The following STK24 variants were observed in gnomAD, a reference collection of about 807,000 sequenced individuals.
STK24 encodes serine/threonine kinase 24, also known as serine/threonine-protein kinase 24.
In STK24, 21 loss-of-function variants were observed where a neutral mutation model predicts 55.6. The ratio of observed to expected loss-of-function variants is 0.38; its 90% CI spans 0.27 to 0.54. The LOEUF (loss-of-function observed/expected upper bound fraction) is 0.54. STK24 is among the 20% of genes least tolerant of loss of function. The probability of loss-of-function intolerance (pLI) is 0.79; values close to 1 mark genes in which losing one functional copy is unlikely to be tolerated. For missense variants in STK24, 383 were observed against 538.4 expected (o/e 0.71, Z 2.86); for synonymous variants, 200 against 215.2 (o/e 0.93, Z 0.62).
intron 6 of STK24, among the ~76,000 whole-genome samples, 200 bp downstream of exon 6, chr13:98,466,176 A>C (rs894030640): frequency 8.5e-5 from 13 of 152,366 alleles, no homozygotes; most frequent in African/African-American, 3.1e-4. Context: ...AATCTAAAAG[A>C]AAATAAGGAG....
intron 2 of STK24, among the ~76,000 whole-genome samples, chr13:98,489,913 G>C (rs1168717934): frequency 6.6e-6 from 1 of 152,220 alleles, no homozygotes; most frequent in African/African-American, 2.4e-5. Flanking sequence ...AGGAAAGTAA[G>C]AGCGAGGAGA....
intron 2 of STK24, among the ~76,000 whole-genome samples, chr13:98,498,120 G>A (rs1054979287): frequency 2.0e-5 from 3 of 152,230 alleles, no homozygotes; most frequent in African/African-American, 7.2e-5. Flanking sequence ...CCAGTTAGCT[G>A]AGCACTGATG....
At position 98,446,638 on chromosome 13, in the gene STK24, G is replaced by A. The variant is rs1325083147; in HGVS notation, c.*6535C>T. ...CAGCAGCAGAAGCTGACCCCGAAAAGCCACTTTGCTTTGTTTCCCCTTTCC... is the reference window on the plus strand; with the variant it reads ...CAGCAGCAGAAGCTGACCCCGAAAAACCACTTTGCTTTGTTTCCCCTTTCC... On this transcript the variant is annotated 3_prime_UTR_variant, in exon 11 of 11. Transcript: ENST00000539966. 4 of 1,611,752 alleles carry A rather than the reference G, an allele frequency of 2.5e-6. No homozygotes were observed. In the Admixed American group the frequency reaches 6.7e-5, roughly 27 times the overall value.
chr13:98,543,944 C>T (rs1896965700), intron 1 of STK24, among the ~76,000 whole-genome samples: 1 of 152,188 alleles, frequency 6.6e-6, no homozygotes, highest in African/African-American at 2.4e-5. Context: ...AAGAACAGCA[C>T]ACAATGTAAA....
intron 2 of STK24, among the ~76,000 whole-genome samples, chr13:98,512,593 A>T (rs960047628): frequency 1.3e-5 from 2 of 150,916 alleles, no homozygotes; most frequent in Non-Finnish European, 3.0e-5. Context: ...TTTTTTTAAA[A>T]AGGGAAAGCA....
In STK24 at chr13:98,519,423, C is replaced by T; in HGVS notation, c.93G>A (p.Gly31=). 1.9e-6 allele frequency: 3 copies of T among 1,614,230 alleles called. No homozygotes were observed. The highest frequency in any genetic ancestry group is 1.7e-6 in the Non-Finnish European group (2 of 1,180,048). Residue 31 remains glycine, a synonymous_variant, in exon 2 of 11, where the codon GGG becomes GGA. Transcript: ENST00000539966. ...TGAACACCTCTCCAAAGGAGCCCTT[C>T]CCAATTTTCTCTAGTTTTGTAAAAA... ...EELFTKLEKI[G]KGSFGEVFKG...
rs1337348677 is a variant in STK24, at chr13:98,446,662, C to A, written c.*6511G>T. The A allele has an allele frequency of 1.9e-6, 3 of 1,614,064 alleles. No homozygotes were observed. The highest frequency in any genetic ancestry group is 1.7e-6 in the Non-Finnish European group (2 of 1,179,976). On this transcript the variant is annotated 3_prime_UTR_variant, in exon 11 of 11. Transcript: ENST00000539966. Reference sequence around the variant, plus strand: ...AGCCACTTTGCTTTGTTTCCCCTTTCCAGGACAATCATCCCCTTGCCAGCC... The same window carrying A: ...AGCCACTTTGCTTTGTTTCCCCTTTACAGGACAATCATCCCCTTGCCAGCC...
At chr13:98,518,229 G>T (rs1209512640) in intron 2 of STK24, among the ~76,000 whole-genome samples, 1 of 152,138 alleles carries the variant, frequency 6.6e-6, no homozygotes, top group South Asian at 2.1e-4. Flanking sequence ...TTAATCAATG[G>T]TTCTCAAAAT....
intron 2 of STK24, among the ~76,000 whole-genome samples, chr13:98,486,295 A>G (rs542270489): frequency 1.3e-5 from 2 of 152,056 alleles, no homozygotes; most frequent in East Asian, 3.9e-4. Context: ...CTCGCGCCAC[A>G]CCCCTGCAGC....
chr13:98,549,337 C>A (rs1486455520), intron 1 of STK24, among the ~76,000 whole-genome samples: 1 of 152,168 alleles, frequency 6.6e-6, no homozygotes, highest in Non-Finnish European at 1.5e-5. Context: ...TGGATGGCAC[C>A]TCCTAGCTCT....
At chr13:98,511,524 T>A (rs1404763561) in intron 2 of STK24, among the ~76,000 whole-genome samples, 1 of 152,256 alleles carries the variant, frequency 6.6e-6, no homozygotes, top group African/African-American at 2.4e-5. Context: ...ACACTGTTCA[T>A]AATCACCAAA....
rs1404544152 is a variant in STK24 at position 98,450,827 on chromosome 13, C to T, written c.*2346G>A. 2.0e-5 allele frequency: 3 copies of T among 152,268 alleles called. No homozygotes were observed. The highest frequency in any genetic ancestry group is 7.2e-5 in the African/African-American group (3 of 41,462). The allele number at this position is 152,268 out of a possible 1,614,324, so 9.4% of individuals were successfully genotyped here. ...GAAGTGGCGACACAAAAGCCAGCTT[C>T]CTTGGCTAAGATGCCCTTAAAAACA... On this transcript the variant is annotated 3_prime_UTR_variant, in exon 11 of 11. Coordinates refer to ENST00000539966, the MANE Select transcript of STK24 (RefSeq NM_001032296.4).
chr13:98,545,763 A>G (rs536947218), intron 1 of STK24, among the ~76,000 whole-genome samples: 68 of 152,338 alleles, frequency 4.5e-4, no homozygotes, highest in African/African-American at 1.5e-3. Context: ...ATAATAAAGA[A>G]GCTAAAAGCG....
chr13:98,531,727 G>C (rs941982120), intron 1 of STK24, among the ~76,000 whole-genome samples: 1 of 152,100 alleles, frequency 6.6e-6, no homozygotes, highest in Non-Finnish European at 1.5e-5. Flanking sequence ...CCCCTCACTC[G>C]ACCTTCACCC....
chr13:98,460,015 T>C (rs1205885077), intron 9 of STK24, among the ~76,000 whole-genome samples: 2 of 152,104 alleles, frequency 1.3e-5, no homozygotes, highest in African/African-American at 4.8e-5. Context: ...ATCCAACGTC[T>C]CCTTAGAAGA....
Position 98,454,073 on chromosome 13 carries a change from A to C in STK24, c.1260-864T>G, listed in dbSNP as rs1426834074. 2.0e-5 allele frequency: 3 copies of C among 152,218 alleles called. No homozygotes were observed. The East Asian group carries it at 5.8e-4, about 29-fold the overall frequency. The allele number at this position is 152,218 out of a possible 1,614,324, so 9.4% of individuals were successfully genotyped here. A position where few individuals can be genotyped will look rare whatever the true frequency, so the allele number is the denominator to read the frequency against. On this transcript the variant is annotated intron_variant, in intron 10 of 10. Coordinates refer to ENST00000539966, the MANE Select transcript of STK24 (RefSeq NM_001032296.4). ...CTGTATATGTGCACTATATAAGTAT[A>C]TTTACATGAACAACTTCTGTATCCT... is the stretch of plus-strand genomic sequence containing the variant.
chr13:98,513,002 C>CA (rs1279995230), intron 2 of STK24, among the ~76,000 whole-genome samples: 1 of 152,214 alleles, frequency 6.6e-6, no homozygotes, highest in Non-Finnish European at 1.5e-5. Flanking sequence ...TGCAGCCCAT[C>CA]GGGGTCCACT....
At chr13:98,570,658 C>T (rs1359126973) in intron 1 of STK24, among the ~76,000 whole-genome samples, 1 of 152,098 alleles carries the variant, frequency 6.6e-6, no homozygotes, top group Non-Finnish European at 1.5e-5. Context: ...CTGGTAACCA[C>T]CAATTTGGGA....
Position 98,461,911 on chromosome 13 carries a change from T to G in STK24, c.930-14A>C. The G allele has an allele frequency of 6.2e-7, 1 of 1,613,254 alleles. No homozygotes were observed. Among genetic ancestry groups the G allele is most frequent in the South Asian group, 1.1e-5 (1 of 91,066 alleles). ...CCATCTGTTTCCCTTAACACAGAAA[T>G]GCAGGAAATCCCATCAGTGCTCGCA... On this transcript the variant is annotated splice_polypyrimidine_tract_variant and intron_variant, in intron 7 of 10. Transcript: ENST00000539966.
Sources: gnomAD v4.1 joint callset for allele counts (sites outside exome capture counted in the v4.1 genomes callset) on GRCh38, gnomAD v4.1.1 for gene constraint, MANE v1.5 for transcripts, NCBI Gene and HGNC (gene_info 2026-07-23, HGNC 2026-07-21) for gene names.